Variants in RORA observed in about 807,000 individuals in gnomAD.
RORA encodes RAR related orphan receptor A.
In RORA, 7 loss-of-function variants were observed where a neutral mutation model predicts 69.5. The ratio of observed to expected loss-of-function variants is 0.10; its 90% CI spans 0.06 to 0.19. The LOEUF is 0.19. RORA is among the 10% of genes least tolerant of loss of function. The pLI is 1.00. For synonymous variants in RORA, 261 were observed against 240.8 expected, an observed-to-expected ratio of 1.08 and a Z score of -0.78; for missense variants, 457 against 663.0, an observed-to-expected ratio of 0.69 and a Z score of 3.41.
At chr15:61,002,409 T>A (rs1257784608) in intron 1 of RORA, among the ~76,000 whole-genome samples, 3 of 152,250 alleles carry the variant, frequency 2.0e-5, no homozygotes, top group Non-Finnish European at 2.9e-5. Flanking sequence ...TGGCAAGTTT[T>A]ATTTTGTTTA....
At chr15:61,140,228 G>A (rs1041197477) in intron 1 of RORA, among the ~76,000 whole-genome samples, 8 of 152,142 alleles carry the variant, frequency 5.3e-5, no homozygotes, top group African/African-American at 1.9e-4. Flanking sequence ...TTATGTATAC[G>A]CAGAAGGCCC....
chr15:61,044,468 T>C (rs1896931531), intron 1 of RORA, among the ~76,000 whole-genome samples: 1 of 152,186 alleles, frequency 6.6e-6, no homozygotes, highest in Non-Finnish European at 1.5e-5. Flanking sequence ...CAGTCCCAAC[T>C]GAAATGTGCT....
chr15:60,736,409 T>C (rs1344612602), intron 1 of RORA, among the ~76,000 whole-genome samples: 2 of 152,160 alleles, frequency 1.3e-5, no homozygotes, highest in Admixed American at 1.3e-4. Flanking sequence ...GCTTCAGTAA[T>C]ATTTGAGAAA....
chr15:61,069,553 G>T (rs796195321), intron 1 of RORA, among the ~76,000 whole-genome samples: 57 of 152,242 alleles, frequency 3.7e-4, no homozygotes, highest in African/African-American at 1.4e-3. Context: ...TCAACATTCG[G>T]CTGTTTCACA....
At chr15:60,961,918 G>A (rs914043265) in intron 1 of RORA, among the ~76,000 whole-genome samples, 5 of 152,156 alleles carry the variant, frequency 3.3e-5, no homozygotes, top group Admixed American at 2.0e-4. Context: ...ATATAAACAC[G>A]GAAGGCCTGC....
intron 1 of RORA, among the ~76,000 whole-genome samples, chr15:61,217,819 G>A (rs1198706459): frequency 1.3e-5 from 2 of 152,138 alleles, no homozygotes; most frequent in Admixed American, 1.3e-4. Context: ...GCCTCTAAAT[G>A]TACTAGCATA....
chr15:60,899,376 T>C (rs1053595476), intron 1 of RORA, among the ~76,000 whole-genome samples: 2 of 152,238 alleles, frequency 1.3e-5, no homozygotes, highest in African/African-American at 4.8e-5. Flanking sequence ...TTCACAGCTC[T>C]TATCTGATTG....
At chr15:60,689,072 C>T (rs1008390017) in intron 1 of RORA, among the ~76,000 whole-genome samples, 1 of 152,190 alleles carries the variant, frequency 6.6e-6, no homozygotes, top group African/African-American at 2.4e-5. Flanking sequence ...ACCCAGGTTG[C>T]AAGCCCAGTT....
intron 1 of RORA, among the ~76,000 whole-genome samples, chr15:60,777,183 A>T (rs775985794): frequency 6.6e-6 from 1 of 152,250 alleles, no homozygotes; most frequent in Non-Finnish European, 1.5e-5. Context: ...AAAGCATAAG[A>T]ATGTTCACAC....
intron 1 of RORA, among the ~76,000 whole-genome samples, chr15:60,766,346 A>C (rs77856699): frequency 1.3e-5 from 2 of 152,162 alleles, no homozygotes; most frequent in Admixed American, 6.5e-5. Context: ...AGTAAAAAAA[A>C]ATATAATAAA....
intron 1 of RORA, among the ~76,000 whole-genome samples, chr15:60,743,880 T>C (rs1160946658): frequency 6.6e-6 from 1 of 152,216 alleles, no homozygotes; most frequent in Non-Finnish European, 1.5e-5. Flanking sequence ...TCCAATTTTA[T>C]CCTGGGCCTT....
intron 2 of RORA, among the ~76,000 whole-genome samples, chr15:60,587,787 A>G (rs1420691556): frequency 1.3e-5 from 2 of 152,208 alleles, no homozygotes; most frequent in East Asian, 3.8e-4. Flanking sequence ...TTATCGTATT[A>G]TCTCCTGAAA....
chr15:61,110,415 CA>C (rs2140781049), intron 1 of RORA, among the ~76,000 whole-genome samples: 1 of 151,576 alleles, frequency 6.6e-6, no homozygotes, highest in African/African-American at 2.4e-5. Flanking sequence ...AAAGTACACA[CA>C]GAATTATGTA....
At chr15:60,601,300 A>G (rs1321083609) in intron 2 of RORA, among the ~76,000 whole-genome samples, 2 of 152,182 alleles carry the variant, frequency 1.3e-5, no homozygotes, top group Non-Finnish European at 2.9e-5. Flanking sequence ...AATGTAGTAA[A>G]TTATTTAATT....
intron 1 of RORA, among the ~76,000 whole-genome samples, chr15:60,923,359 T>A (rs1005413113): frequency 1.3e-5 from 2 of 152,234 alleles, no homozygotes; most frequent in African/African-American, 4.8e-5. Flanking sequence ...ATTTTATTCA[T>A]CTGTGTATTC....
At chr15:61,006,643 A>G (rs1894920974) in intron 1 of RORA, among the ~76,000 whole-genome samples, 1 of 152,144 alleles carries the variant, frequency 6.6e-6, no homozygotes, top group Non-Finnish European at 1.5e-5. Context: ...AAAGACACCA[A>G]TTCCAGCAGT....
chr15:60,600,622 T>C (rs891237028), intron 2 of RORA, among the ~76,000 whole-genome samples: 3 of 152,192 alleles, frequency 2.0e-5, no homozygotes, highest in Non-Finnish European at 4.4e-5. Context: ...GGTTAAAATT[T>C]TCTCAATATG....
At chr15:60,593,200 C>A (rs1416082726) in intron 2 of RORA, 1 of 271,686 alleles carries the variant, frequency 3.7e-6, no homozygotes. Flanking sequence ...ATACCAATAA[C>A]CAAGGTCCTG....
At chr15:60,654,928 G>T (rs2070197855) in intron 2 of RORA, among the ~76,000 whole-genome samples, 1 of 152,172 alleles carries the variant, frequency 6.6e-6, no homozygotes, top group African/African-American at 2.4e-5. Context: ...TTGTACTTCT[G>T]ATCTCTGGAA....
Sources: allele counts gnomAD v4.1 joint callset (sites outside exome capture counted in the v4.1 genomes callset), GRCh38; gene constraint gnomAD v4.1.1; transcripts MANE v1.5; gene names NCBI Gene and HGNC (gene_info 2026-07-23, HGNC 2026-07-21).